The following CEMIP variants were observed in gnomAD, a reference collection of about 807,000 sequenced individuals.
CEMIP encodes the protein cell migration inducing hyaluronidase 1.
In CEMIP, 105 loss-of-function variants were observed where a neutral mutation model predicts 156.9. The ratio of observed to expected loss-of-function variants is 0.67; its 90% CI spans 0.57 to 0.79. The LOEUF (loss-of-function observed/expected upper bound fraction) is 0.79, where lower values mean the gene tolerates loss of function less well. Among genes scored for constraint, CEMIP ranks in the 30% least tolerant of loss-of-function variants. The pLI is 0.00. For missense variants in CEMIP, 1,457 were observed against 1,769.4 expected, an observed-to-expected ratio of 0.82 and a Z score of 3.17; for synonymous variants, 676 against 668.4, an observed-to-expected ratio of 1.01 and a Z score of -0.17.
intron 12 of CEMIP, among the ~76,000 whole-genome samples, chr15:80,898,722 ATT>A (rs1265144469): frequency 6.6e-6 from 1 of 152,168 alleles, no homozygotes; most frequent in Admixed American, 6.5e-5. Context: ...TATCATCATT[ATT>A]AATGAACATA....
intron 24 of CEMIP, among the ~76,000 whole-genome samples, chr15:80,937,387 C>A (rs1003861451): frequency 2.0e-5 from 3 of 152,224 alleles, no homozygotes; most frequent in African/African-American, 7.2e-5. Context: ...TTCTGTGAGA[C>A]AGACATTTAC....
intron 10 of CEMIP, 91 bp downstream of exon 10, chr15:80,889,683 G>A: frequency 1.9e-6 from 3 of 1,539,296 alleles, no homozygotes; most frequent in Middle Eastern, 1.9e-4. Context: ...CTTGGGTGCT[G>A]TGATTCTCGT....
intron 1 of CEMIP, among the ~76,000 whole-genome samples, chr15:80,808,447 G>T (rs956872631): frequency 7.9e-5 from 12 of 152,170 alleles, no homozygotes; most frequent in African/African-American, 2.7e-4. Flanking sequence ...GGGCAGGCAG[G>T]GTTCTAGCAG....
Position 80,779,550 on chromosome 15 carries a change from G to C in CEMIP, c.-240G>C, listed in dbSNP as rs1447558718. ...CGCGGCGCCTGGCGGTCAGCGACCAGACGTCCGGGGCCGCTGCGCTCCTGG... is the reference window on the plus strand; with the variant it reads ...CGCGGCGCCTGGCGGTCAGCGACCACACGTCCGGGGCCGCTGCGCTCCTGG... On this transcript the variant is annotated 5_prime_UTR_variant, in exon 1 of 30. Coordinates refer to ENST00000394685, the MANE Select transcript of CEMIP (RefSeq NM_001293298.2). 6.6e-6 allele frequency: 1 copy of C among 152,240 alleles called. No homozygotes were observed. Among genetic ancestry groups the C allele is most frequent in the African/African-American group, 2.4e-5 (1 of 41,468 alleles). 9.4% of individuals were successfully genotyped at this position (152,240 alleles called of 1,614,324 possible).
intron 1 of CEMIP, among the ~76,000 whole-genome samples, chr15:80,811,800 G>T (rs1896677884): frequency 6.6e-6 from 1 of 151,970 alleles, no homozygotes; most frequent in Non-Finnish European, 1.5e-5. Context: ...CAAGAAATCT[G>T]CCTGCCTCAG....
chr15:80,832,818 G>T (rs1244838431), intron 1 of CEMIP, among the ~76,000 whole-genome samples: 1 of 152,180 alleles, frequency 6.6e-6, no homozygotes, highest in Non-Finnish European at 1.5e-5. Flanking sequence ...TCTGTGATGT[G>T]GACAGAGCCA....
chr15:80,924,154 A>T (rs1900571820), intron 17 of CEMIP, among the ~76,000 whole-genome samples: 1 of 152,244 alleles, frequency 6.6e-6, no homozygotes. Context: ...TCTCTCTTCA[A>T]GACAGGCAGG....
chr15:80,945,516 A>C (rs1031549523), intron 28 of CEMIP, among the ~76,000 whole-genome samples: 1 of 152,202 alleles, frequency 6.6e-6, no homozygotes, highest in African/African-American at 2.4e-5. Context: ...CTGTCTCCTT[A>C]AGGGGCCTCA....
chr15:80,922,169 A>C lies in CEMIP; in HGVS notation c.2202+32A>C, dbSNP rs1900500506. The C allele has an allele frequency of 1.9e-6, 3 of 1,613,638 alleles. No homozygotes were observed. The East Asian group carries it at 6.7e-5, about 36-fold the overall frequency. ...CTTTCCAGGCTGCGCCTCTCTGGCC[A>C]GCCTCTCGGTCCCCTTCCCAGGCCT... On this transcript the variant is annotated intron_variant, in intron 17 of 29. Coordinates refer to ENST00000394685, the MANE Select transcript of CEMIP (RefSeq NM_001293298.2).
At position 80,832,322 on chromosome 15, in the gene CEMIP, CTGTGTGTGTG is replaced by C. The variant is rs58855328; in HGVS notation, c.-175-41186_-175-41177del. Among the ~76,000 whole-genome samples, 56 of 128,102 alleles carry C rather than the reference CTGTGTGTGTG, an allele frequency of 4.4e-4. No homozygotes were observed. The South Asian group carries it at 6.4e-3, about 15-fold the overall frequency. 84.0% of individuals were successfully genotyped at this position (128,102 alleles called of 152,430 possible). ...CTGGAGCTTTGGTTTAAAATAAACT[CTGTGTGTGTG>C]TGTGTGTGTGTGTGTGTGTGTGTGT... On this transcript the variant is annotated intron_variant, in intron 1 of 29. Transcript: ENST00000394685.
intron 11 of CEMIP, among the ~76,000 whole-genome samples, chr15:80,895,549 G>A (rs1032222250): frequency 3.3e-5 from 5 of 152,142 alleles, no homozygotes; most frequent in Admixed American, 6.5e-5. Context: ...TATGGCTACC[G>A]AAAATAATAG....
intron 1 of CEMIP, among the ~76,000 whole-genome samples, chr15:80,852,741 G>A (rs1448257302): frequency 1.3e-5 from 2 of 152,156 alleles, no homozygotes; most frequent in Non-Finnish European, 2.9e-5. Context: ...GAACAGCCAG[G>A]TAAGGTGGTG....
At chr15:80,788,003 G>C (rs1895982914) in intron 1 of CEMIP, among the ~76,000 whole-genome samples, 1 of 152,094 alleles carries the variant, frequency 6.6e-6, no homozygotes, top group Non-Finnish European at 1.5e-5. Flanking sequence ...TTCCCAGCTT[G>C]GTCTCCTCAA....
At chr15:80,836,102 T>C (rs1002963620) in intron 1 of CEMIP, among the ~76,000 whole-genome samples, 6 of 151,982 alleles carry the variant, frequency 3.9e-5, no homozygotes, top group African/African-American at 1.5e-4. Context: ...TATTCAGTTT[T>C]TCTCTATTTT....
At chr15:80,857,946 A>G (rs1336779398) in intron 1 of CEMIP, among the ~76,000 whole-genome samples, 1 of 151,758 alleles carries the variant, frequency 6.6e-6, no homozygotes, top group Non-Finnish European at 1.5e-5. Context: ...TCCCGGCAGT[A>G]GGAGCAGCAT....
intron 1 of CEMIP, among the ~76,000 whole-genome samples, chr15:80,798,467 A>G (rs1039835930): frequency 2.6e-5 from 4 of 152,186 alleles, no homozygotes; most frequent in African/African-American, 9.6e-5. Flanking sequence ...AATGGCCTCC[A>G]AAGATTTATT....
intron 1 of CEMIP, among the ~76,000 whole-genome samples, chr15:80,782,033 A>T (rs4145806): frequency 1.3e-5 from 2 of 150,554 alleles, no homozygotes; most frequent in African/African-American, 2.4e-5. Context: ...TGAAAAAAAA[A>T]TTCTTATTTA....
At position 80,902,508 on chromosome 15, in the gene CEMIP, C is replaced by A. The variant is rs574947930; in HGVS notation, c.1412-4155C>A. On this transcript the variant is annotated intron_variant, in intron 12 of 29. Transcript: ENST00000394685. Reference sequence around the variant, plus strand: ...CTCTCGGATAGCAGCCTGGGAGTGGCCAGTGAAGGCGGCAGCAGGACAGAT... The same window carrying A: ...CTCTCGGATAGCAGCCTGGGAGTGGACAGTGAAGGCGGCAGCAGGACAGAT... Among the ~76,000 whole-genome samples the A allele has an allele frequency of 7.2e-5, 11 of 152,282 alleles. No individual in the cohort carries two copies. In the South Asian group the frequency reaches 2.3e-3, roughly 32 times the overall value.
intron 1 of CEMIP, among the ~76,000 whole-genome samples, chr15:80,865,459 C>T (rs1260747750): frequency 1.3e-5 from 2 of 152,092 alleles, no homozygotes; most frequent in East Asian, 1.9e-4. Context: ...GGATTATAGG[C>T]GTGAGCCACC....
Sources: gnomAD v4.1 joint callset for allele counts (sites outside exome capture counted in the v4.1 genomes callset) on GRCh38, gnomAD v4.1.1 for gene constraint, MANE v1.5 for transcripts, NCBI Gene and HGNC (gene_info 2026-07-23, HGNC 2026-07-21) for gene names.